SLC35D4: variants seen among roughly 807,000 people sequenced by gnomAD.
SLC35D4 encodes the protein UDP-N-acetylglucosamine transporter SLC35D4.
the SLC35D4 span, among the ~76,000 whole-genome samples, chr18:23,323,220 G>A: frequency 7.2e-5 from 11 of 152,184 alleles, no homozygotes; most frequent in Non-Finnish European, 1.3e-4. Context: ...TTACTCCAAG[G>A]CTGTGAGGAT....
the SLC35D4 span, among the ~76,000 whole-genome samples, chr18:23,359,486 C>A: frequency 6.6e-6 from 1 of 152,030 alleles, no homozygotes; most frequent in Non-Finnish European, 1.5e-5. Flanking sequence ...TCTGCAGTTA[C>A]AATTCTGCTG....
At chr18:23,256,210 C>T in the SLC35D4 span, among the ~76,000 whole-genome samples, 1 of 152,360 alleles carries the variant, frequency 6.6e-6, no homozygotes, top group South Asian at 2.1e-4. Context: ...GCAGAATGTG[C>T]CTGAGCAAAC....
the SLC35D4 span, among the ~76,000 whole-genome samples, chr18:23,286,683 C>T: frequency 3.3e-5 from 5 of 152,146 alleles, 1 homozygote; most frequent in East Asian, 1.9e-4. Context: ...TTTCCCTTGC[C>T]TCCATAACTG....
At chr18:23,324,327 G>A in the SLC35D4 span, among the ~76,000 whole-genome samples, 5 of 152,140 alleles carry the variant, frequency 3.3e-5, no homozygotes, top group Admixed American at 3.3e-4. Context: ...AATTTCTATT[G>A]TGTAAGCCAC....
the SLC35D4 span, among the ~76,000 whole-genome samples, chr18:23,387,633 A>G: frequency 6.6e-6 from 1 of 152,162 alleles, no homozygotes; most frequent in African/African-American, 2.4e-5. Flanking sequence ...CCTTGTTTTT[A>G]AAACTTCTAT....
At chr18:23,246,453 A>G in the SLC35D4 span, among the ~76,000 whole-genome samples, 31 of 151,918 alleles carry the variant, frequency 2.0e-4, no homozygotes, top group Admixed American at 3.9e-4. Context: ...GTGCAGTGGC[A>G]AGATCTTGGC....
chr18:23,328,718 A>G, the SLC35D4 span, among the ~76,000 whole-genome samples: 1 of 152,230 alleles, frequency 6.6e-6, no homozygotes. Flanking sequence ...TAAAGTTCAT[A>G]TGGAATCAAA....
At chr18:23,345,335 A>G in the SLC35D4 span, among the ~76,000 whole-genome samples, 1 of 151,916 alleles carries the variant, frequency 6.6e-6, no homozygotes, top group Non-Finnish European at 1.5e-5. Flanking sequence ...TACAAAAATT[A>G]GCCGGGCATG....
At chr18:23,364,438 C>A in the SLC35D4 span, among the ~76,000 whole-genome samples, 1 of 152,204 alleles carries the variant, frequency 6.6e-6, no homozygotes, top group African/African-American at 2.4e-5. Context: ...AGGAGCACAA[C>A]CAATATAACT....
chr18:23,270,749 C>T, the SLC35D4 span, among the ~76,000 whole-genome samples: 1 of 152,224 alleles, frequency 6.6e-6, no homozygotes, highest in Non-Finnish European at 1.5e-5. Flanking sequence ...ACACAGCCGG[C>T]TCTGTGTAAA....
the SLC35D4 span, among the ~76,000 whole-genome samples, chr18:23,298,611 G>A: frequency 1.3e-5 from 2 of 152,224 alleles, no homozygotes; most frequent in African/African-American, 4.8e-5. Context: ...AAAGCAGTGG[G>A]AGAACTGGAG....
At chr18:23,278,311 C>T in the SLC35D4 span, among the ~76,000 whole-genome samples, 1 of 152,128 alleles carries the variant, frequency 6.6e-6, no homozygotes, top group Non-Finnish European at 1.5e-5. Context: ...ACTACATGTG[C>T]TGATGAGGTT....
chr18:23,378,020 T>C, the SLC35D4 span, among the ~76,000 whole-genome samples: 1 of 151,854 alleles, frequency 6.6e-6, no homozygotes, highest in African/African-American at 2.4e-5. Context: ...AATTAAGCTC[T>C]TGTTCTATCT....
chr18:23,266,804 C>T, the SLC35D4 span, among the ~76,000 whole-genome samples: 28 of 152,354 alleles, frequency 1.8e-4, no homozygotes, highest in Admixed American at 4.6e-4. Context: ...TGCCCTCAAA[C>T]GTGGCCCTTG....
chr18:23,435,929 C>A, the SLC35D4 span, among the ~76,000 whole-genome samples: 3 of 152,032 alleles, frequency 2.0e-5, no homozygotes, highest in Admixed American at 1.3e-4. Context: ...CTCCTGATTT[C>A]AAGCGATCCG....
At chr18:23,371,926 G>GTTTTT in the SLC35D4 span, among the ~76,000 whole-genome samples, 9 of 11,858 alleles carry the variant, frequency 7.6e-4, no homozygotes, top group African/African-American at 2.2e-3. Flanking sequence ...TTTCTTCCTT[G>GTTTTT]TTTTTTTTGT....
At chr18:23,257,422 C>T in the SLC35D4 span, 1 of 1,517,772 alleles carries the variant, frequency 6.6e-7, no homozygotes, top group Non-Finnish European at 8.8e-7. Flanking sequence ...TGGAGCAGCA[C>T]TTACTTACTA....
chr18:23,374,569 T>G, the SLC35D4 span, among the ~76,000 whole-genome samples: 1 of 148,794 alleles, frequency 6.7e-6, no homozygotes, highest in Non-Finnish European at 1.5e-5. Flanking sequence ...CACCATAACC[T>G]CCGCCTCCCG....
the SLC35D4 span, among the ~76,000 whole-genome samples, chr18:23,411,553 G>GAAAGAAAGA: frequency 1.3e-5 from 2 of 151,132 alleles, no homozygotes; most frequent in African/African-American, 4.9e-5. Flanking sequence ...AAGAAAGAAA[G>GAAAGAAAGA]GTGTGTGCTG....
Sources: allele counts gnomAD v4.1 joint callset (sites outside exome capture counted in the v4.1 genomes callset), GRCh38; gene constraint gnomAD v4.1.1; transcripts MANE v1.5; gene names NCBI Gene and HGNC (gene_info 2026-07-23, HGNC 2026-07-21).